IFT172: variants seen among roughly 807,000 people sequenced by gnomAD.
The protein encoded by IFT172 is intraflagellar transport protein 172 homolog.
A neutral mutation model predicts 248.9 loss-of-function variants in IFT172; 164 were observed. The ratio of observed to expected loss-of-function variants is 0.66; its 90% CI spans 0.58 to 0.75. The LOEUF (loss-of-function observed/expected upper bound fraction) is 0.75. Ranked by LOEUF, IFT172 falls within the 30% of genes least tolerant of loss-of-function variation. The probability of loss-of-function intolerance (pLI) is 0.00; values close to 1 mark genes in which losing one functional copy is unlikely to be tolerated. For synonymous variants in IFT172, 729 were observed against 791.6 expected (o/e 0.92, Z 1.33); for missense variants, 1,950 against 2,192.4 (o/e 0.89, Z 2.21).
chr2:27,452,051 C>T (rs1028340084), intron 35 of IFT172, among the ~76,000 whole-genome samples: 4 of 148,478 alleles, frequency 2.7e-5, no homozygotes, highest in South Asian at 4.5e-4. Flanking sequence ...ACAGGGTATC[C>T]GGGTATTTGG....
chr2:27,485,690 A>C (rs1322572910), intron 1 of IFT172, among the ~76,000 whole-genome samples, 187 bp from the exon 2 acceptor site: 4 of 152,242 alleles, frequency 2.6e-5, no homozygotes, highest in African/African-American at 9.6e-5. Context: ...CTGTGAGAAC[A>C]ACAGGCTTCT....
In IFT172 at chr2:27,446,321, A is replaced by C. The variant is rs1320843711; in HGVS notation, c.4694T>G (p.Leu1565Trp). The C allele has an allele frequency of 1.2e-6, 2 of 1,614,122 alleles. No individual in the cohort carries two copies. The highest frequency in any genetic ancestry group is 1.7e-6 in the Non-Finnish European group (2 of 1,180,054). ...TVAARLSVSL[L>W]RHTQLLPVDK... ...TACAGGTAGTAGCTGGGTGTGACGC[A>C]AGAGTGAAACAGAAAGCCTGGCAGC... is the stretch of plus-strand genomic sequence containing the variant. Residue 1565 changes from leucine to tryptophan, a missense_variant, in exon 43 of 48, where the codon TTG becomes TGG. By Grantham distance (61) the Leu-to-Trp change is moderately conservative. Around this residue, in one of 3 missense-constraint regions of IFT172, gnomAD observed 620 missense variants for 699.0 expected, o/e 0.89. Coordinates refer to ENST00000260570, the MANE Select transcript of IFT172 (RefSeq NM_015662.3).
chr2:27,445,578 G>T lies in IFT172; in HGVS notation c.4915-129C>A. The T allele has an allele frequency of 3.9e-6, 5 of 1,295,106 alleles. No homozygotes were observed. In the South Asian group the frequency reaches 7.3e-5, roughly 19 times the overall value. 80.2% of individuals were successfully genotyped at this position (1,295,106 alleles called of 1,614,324 possible). A position where few individuals can be genotyped will look rare whatever the true frequency, so the allele number is the denominator to read the frequency against. On this transcript the variant is annotated intron_variant, in intron 45 of 47. Coordinates refer to ENST00000260570, the MANE Select transcript of IFT172 (RefSeq NM_015662.3). This position sits in a 1 kb window ranked among gnomAD's most constrained non-coding sequence, Gnocchi z 4.4. ...CAGCTTTTAGCCACGAATCCTCCTT[G>T]GATTGGGGGATGCAGTCACAGCCTT...
intron 21 of IFT172, 100 bp downstream of exon 21, chr2:27,461,659 C>T (rs1666680891): frequency 6.4e-7 from 1 of 1,551,032 alleles, no homozygotes; most frequent in Admixed American, 1.7e-5. Context: ...AGTCCAAGCC[C>T]CAACCCTGTT....
chr2:27,484,016 AC>A, intron 4 of IFT172, 79 bp from the exon 5 acceptor site: 1 of 1,325,958 alleles, frequency 7.5e-7, no homozygotes, highest in Non-Finnish European at 1.1e-6. Flanking sequence ...ACACCCCACC[AC>A]ACACCACCAC....
rs984453147 is a variant in IFT172, at chr2:27,459,115, A to G, written c.2788-247T>C. On this transcript the variant is annotated intron_variant, in intron 25 of 47. Transcript: ENST00000260570. ...TGCAAAGCAATTTTATATCATAACT[A>G]TGTTAGCATTATTCATGAAGAATCA... The G allele has an allele frequency of 9.7e-6, 6 of 617,978 alleles. No individual in the cohort carries two copies. The Admixed American group carries it at 1.3e-4, about 13-fold the overall frequency. 38.3% of individuals were successfully genotyped at this position (617,978 alleles called of 1,614,324 possible). A position where few individuals can be genotyped will look rare whatever the true frequency, so the allele number is the denominator to read the frequency against.
chr2:27,452,042 C>T (rs1040418081), intron 35 of IFT172, among the ~76,000 whole-genome samples: 4 of 151,014 alleles, frequency 2.6e-5, no homozygotes, highest in Non-Finnish European at 5.9e-5. Context: ...ATTTGGGCTA[C>T]AGGGTATCCG....
chr2:27,465,183 G>T (rs897622833), intron 18 of IFT172: 47 of 531,330 alleles, frequency 8.8e-5, no homozygotes, highest in African/African-American at 8.4e-4. Context: ...GCCTCCCAAA[G>T]TGCTGGGATT....
At chr2:27,484,722 G>A (rs558872855) in intron 3 of IFT172, among the ~76,000 whole-genome samples, 6 of 152,278 alleles carry the variant, frequency 3.9e-5, no homozygotes, top group Admixed American at 3.9e-4. Flanking sequence ...GCCCTGAAAG[G>A]AGGTATATGA....
At position 27,463,078 on chromosome 2, in the gene IFT172, T is replaced by G; in HGVS notation, c.2022+19A>C. On this transcript the variant is annotated intron_variant, in intron 19 of 47. Transcript: ENST00000260570. ...CAGCTTGGGAGACAGACAGAATGAA[T>G]CAGGAGCATAATACTTGCATATTCC... 1.2e-6 allele frequency: 2 copies of G among 1,610,544 alleles called. No homozygotes were observed. Among genetic ancestry groups the G allele is most frequent in the Non-Finnish European group, 1.7e-6 (2 of 1,176,806 alleles).
chr2:27,486,890 CTTTTTA>C (rs1668801960), intron 1 of IFT172, among the ~76,000 whole-genome samples: 3 of 151,902 alleles, frequency 2.0e-5, no homozygotes, highest in African/African-American at 7.3e-5. Context: ...AAATCTCTGT[CTTTTTA>C]TTTTTTTCTC....
intron 14 of IFT172, among the ~76,000 whole-genome samples, chr2:27,473,755 G>A (rs893846032): frequency 1.3e-5 from 2 of 152,066 alleles, no homozygotes; most frequent in African/African-American, 4.8e-5. Flanking sequence ...TACGATTTTA[G>A]ATACTCCAAA....
chr2:27,456,435 T>C (rs1266878644), intron 30 of IFT172, 76 bp downstream of exon 30: 1 of 1,528,444 alleles, frequency 6.5e-7, no homozygotes, highest in East Asian at 2.3e-5. Flanking sequence ...TTCTTTCAGT[T>C]ATACATCAAT....
At chr2:27,461,142 T>A (rs760459686) in intron 22 of IFT172, 49 bp from the exon 23 acceptor site, 15 of 1,613,760 alleles carry the variant, frequency 9.3e-6, no homozygotes, top group Non-Finnish European at 1.3e-5. Context: ...CACAAAGAAC[T>A]AAGTATTAGC....
Position 27,447,614 on chromosome 2 carries a change from G to A in IFT172, c.4560C>T (p.Ser1520=). Residue 1520 remains serine (S), a synonymous_variant, in exon 42 of 48, where the codon TCC becomes TCT. Transcript: ENST00000260570. ...LFNLCENLVK[S]SEANSPAHEE... ...CATGGGCTGGAGAGTTTGCCTCACT[G>A]GACTTCACCAGGTTTTCACACTAGA... 6.2e-7 allele frequency: 1 copy of A among 1,614,142 alleles called. No individual in the cohort carries two copies. Among genetic ancestry groups the A allele is most frequent in the South Asian group, 1.1e-5 (1 of 91,084 alleles).
At chr2:27,479,476 G>C in intron 10 of IFT172, 33 bp downstream of exon 10, 1 of 1,218,770 alleles carries the variant, frequency 8.2e-7, no homozygotes, top group South Asian at 1.2e-5. Context: ...AGCCACGCAA[G>C]TTCTCAGTGC....
Position 27,458,187 on chromosome 2 carries a change from C to G in IFT172, c.2914G>C (p.Val972Leu), listed in dbSNP as rs1470282388. 1 of 1,614,210 alleles carries G rather than the reference C, an allele frequency of 6.2e-7. No homozygotes were observed. Among genetic ancestry groups the G allele is most frequent in the East Asian group, 2.2e-5 (1 of 44,884 alleles). The change falls in exon 27 of 48, where the codon GTG becomes CTG. Residue 972 changes from valine (V) to leucine (L), a missense_variant. Coordinates refer to ENST00000260570, the MANE Select transcript of IFT172 (RefSeq NM_015662.3). Reference protein sequence around the residue: ...MKCMRPEDVSVLYITQAQEME... With the variant: ...MKCMRPEDVSLLYITQAQEME... ...TCCTGGGCCTGAGTGATGTATAGCA[C>G]TGACACATCTTCTGGTCTCATGCAT...
At chr2:27,446,498 G>T (rs184340017) in intron 42 of IFT172, 143 bp from the exon 43 acceptor site, 3 of 587,720 alleles carry the variant, frequency 5.1e-6, no homozygotes, top group Non-Finnish European at 8.6e-6. Context: ...CTGGGTCTTA[G>T]TTTTTTTTTT....
Position 27,462,730 on chromosome 2 carries a change from T to G in IFT172, c.2086A>C (p.Lys696Gln), listed in dbSNP as rs1052440631. 6.2e-7 allele frequency: 1 copy of G among 1,614,018 alleles called. No homozygotes were observed. Among genetic ancestry groups the G allele is most frequent in the Non-Finnish European group, 8.5e-7 (1 of 1,179,942 alleles). The change falls in exon 20 of 48, where the codon AAA becomes CAA. Residue 696 changes from lysine (K) to glutamine (Q), a missense_variant. Coordinates refer to ENST00000260570, the MANE Select transcript of IFT172 (RefSeq NM_015662.3). ...TCCAAAAAGATCATTTCAGCCAGTT[T>G]GTAGTTCTTTTCCAGCATGGCTAGA... ...ARLAMLEKNY[K>Q]LAEMIFLEQN...
Sources: gnomAD v4.1 joint callset for allele counts (sites outside exome capture counted in the v4.1 genomes callset) on GRCh38, gnomAD v4.1.1 for gene constraint, gnomAD v4.1.1 regional missense constraint, Gnocchi (gnomAD v3.1) non-coding constraint, MANE v1.5 for transcripts, NCBI Gene and HGNC (gene_info 2026-07-23, HGNC 2026-07-21) for gene names.